The following CEP72 variants were observed in gnomAD, a reference collection of about 807,000 sequenced individuals.
The protein encoded by CEP72 is centrosomal protein 72.
CEP72 carries 78 observed loss-of-function variants against 65.7 expected under a neutral mutation model. That is an observed-to-expected ratio of 1.19 (90% confidence interval 0.99 to 1.43). The LOEUF (loss-of-function observed/expected upper bound fraction) is 1.43, where lower values mean the gene tolerates loss of function less well. Ranked by LOEUF, CEP72 falls within the 40% of genes most tolerant of loss-of-function variation. The probability of loss-of-function intolerance (pLI) is 0.00; values close to 1 mark genes in which losing one functional copy is unlikely to be tolerated. For missense variants in CEP72, 914 were observed against 832.9 expected (o/e 1.10, Z -1.20); for synonymous variants, 358 against 351.7 (o/e 1.02, Z -0.20).
chr5:616,756 C>T (rs993842870), intron 1 of CEP72, among the ~76,000 whole-genome samples: 1 of 152,110 alleles, frequency 6.6e-6, no homozygotes, highest in Non-Finnish European at 1.5e-5. Flanking sequence ...CATTCTCACA[C>T]CCCGGTGCTG....
intron 3 of CEP72, chr5:665,375 G>T (rs965586632): frequency 7.1e-7 from 1 of 1,406,624 alleles, no homozygotes; most frequent in Non-Finnish European, 9.7e-7. Context: ...TGTGCCCTGG[G>T]CAGGTCTCCC....
chr5:615,028 T>C (rs1035727017), intron 1 of CEP72, among the ~76,000 whole-genome samples: 6 of 151,872 alleles, frequency 4.0e-5, no homozygotes, highest in African/African-American at 1.5e-4. Flanking sequence ...ATTTGTCTGT[T>C]TTTTTTTTCA....
At chr5:662,361 A>T (rs1012426282) in intron 1 of CEP72, 2 of 152,360 alleles carry the variant, frequency 1.3e-5, no homozygotes, top group African/African-American at 4.8e-5. Flanking sequence ...TCTTTTCTCG[A>T]GGCCGTGCTT....
downstream of CEP72, chr5:657,070 A>C (rs1026116049): frequency 6.6e-6 from 1 of 152,160 alleles, no homozygotes; most frequent in African/African-American, 2.4e-5. Context: ...TAAACCTTGA[A>C]TTTCTGAGAT....
At chr5:622,584 G>T (rs62330297) in intron 3 of CEP72, among the ~76,000 whole-genome samples, 1 of 152,266 alleles carries the variant, frequency 6.6e-6, no homozygotes, top group African/African-American at 2.4e-5. Context: ...CTGCGGCTGG[G>T]CTTCCAGAGC....
At chr5:649,383 T>TG (rs1169542711) in intron 11 of CEP72, among the ~76,000 whole-genome samples, 2 of 113,180 alleles carry the variant, frequency 1.8e-5, no homozygotes, top group Non-Finnish European at 3.5e-5. Context: ...CTGTGAGGTG[T>TG]GACTGTGAGG....
intron 11 of CEP72, 101 bp from the exon 12 acceptor site, chr5:652,887 C>T (rs566730828): frequency 7.5e-7 from 1 of 1,328,250 alleles, no homozygotes; most frequent in Non-Finnish European, 1.0e-6. Context: ...GGCCAGGGCA[C>T]CTTCGTGCCC....
rs749071810 is a variant in CEP72, at chr5:665,953, A to G, written n.446A>G. The G allele has an allele frequency of 4.4e-6, 3 of 682,190 alleles. No homozygotes were observed. In the South Asian group the frequency reaches 8.7e-5, roughly 20 times the overall value. The allele number at this position is 682,190 out of a possible 1,614,324, so 42.3% of individuals were successfully genotyped here. A position where few individuals can be genotyped will look rare whatever the true frequency, so the allele number is the denominator to read the frequency against. On this transcript the variant is annotated non_coding_transcript_exon_variant, in exon 4 of 5. Coordinates refer to the CEP72 transcript ENST00000514507. ...CCACCCCCTCCAGGCCCCGCCTTCC[A>G]TCCCCGCCCTGCTCACCGTCACCCC...
the CEP72 span, among the ~76,000 whole-genome samples, chr5:674,636 G>C: frequency 6.6e-6 from 1 of 152,070 alleles, no homozygotes; most frequent in Admixed American, 6.5e-5. Context: ...CCACCAGAGC[G>C]GCCCTGGTCA....
chr5:629,398 G>T (rs1265381516), intron 4 of CEP72, among the ~76,000 whole-genome samples: 1 of 151,868 alleles, frequency 6.6e-6, no homozygotes, highest in African/African-American at 2.4e-5. Context: ...ATCCTAGTGG[G>T]GTTCTGTCCA....
intron 10 of CEP72, among the ~76,000 whole-genome samples, chr5:644,793 G>A (rs1384615553): frequency 6.6e-6 from 1 of 152,202 alleles, no homozygotes; most frequent in Non-Finnish European, 1.5e-5. Context: ...ATCGAATTTG[G>A]TGAATGAGCC....
chr5:637,957 G>A (rs541900246), intron 7 of CEP72, 139 bp downstream of exon 7: 22 of 858,164 alleles, frequency 2.6e-5, no homozygotes, highest in African/African-American at 2.2e-4. Flanking sequence ...CGGCGGTGCC[G>A]TGATTACGCC....
Position 648,710 on chromosome 5 carries a change from GTGACTGTGAGGCGTGACTGTGAGGCA to G in CEP72, c.1778+806_1778+831del, listed in dbSNP as rs1738629263. Among the ~76,000 whole-genome samples, 4 of 117,530 alleles carry G rather than the reference GTGACTGTGAGGCGTGACTGTGAGGCA, an allele frequency of 3.4e-5. 1 individual carries two copies. The highest frequency in any genetic ancestry group is 1.8e-4 in the Admixed American group (2 of 10,850). 77.1% of individuals were successfully genotyped at this position (117,530 alleles called of 152,430 possible). A position where few individuals can be genotyped will look rare whatever the true frequency, so the allele number is the denominator to read the frequency against. On this transcript the variant is annotated intron_variant, in intron 11 of 11. Transcript: ENST00000264935. ...TGACTGTGAGGCGTGAATGTGAGGC[GTGACTGTGAGGCGTGACTGTGAGGCA>G]TGACTGTGAGGTGTGGACTGTGAGG...
chr5:612,846 C>G (rs1403617984), intron 1 of CEP72, among the ~76,000 whole-genome samples: 1 of 152,162 alleles, frequency 6.6e-6, no homozygotes, highest in Non-Finnish European at 1.5e-5. Flanking sequence ...TGTTGGTGGC[C>G]GGTTTCCTTC....
chr5:652,692 T>C (rs954831900), intron 11 of CEP72, among the ~76,000 whole-genome samples: 2 of 152,266 alleles, frequency 1.3e-5, no homozygotes, highest in East Asian at 1.9e-4. Context: ...GTAGCTGGAA[T>C]AGCCAAGGCG....
chr5:633,271 C>T (rs552450376), intron 4 of CEP72, among the ~76,000 whole-genome samples: 8 of 103,826 alleles, frequency 7.7e-5, no homozygotes, highest in African/African-American at 2.9e-4. Context: ...TGTCCAGTTC[C>T]GGGATTTAGA....
In CEP72 at chr5:624,695, G is replaced by A; in HGVS notation, c.512+116G>A. On this transcript the variant is annotated intron_variant, in intron 4 of 11. Coordinates refer to ENST00000264935, the MANE Select transcript of CEP72 (RefSeq NM_018140.4). This position sits in a 1 kb window ranked among gnomAD's most constrained non-coding sequence, Gnocchi z 4.7. ...CACTCTCCAGGGGCGGACACCAGGA[G>A]GGAGGAAGGGCAGAGCCTGCCTGGC... 1.3e-6 allele frequency: 1 copy of A among 765,282 alleles called. No individual in the cohort carries two copies. Among genetic ancestry groups the A allele is most frequent in the Non-Finnish European group, 2.3e-6 (1 of 436,938 alleles). The allele number at this position is 765,282 out of a possible 1,614,324, so 47.4% of individuals were successfully genotyped here. A position where few individuals can be genotyped will look rare whatever the true frequency, so the allele number is the denominator to read the frequency against.
chr5:634,011 C>A, intron 5 of CEP72, 64 bp downstream of exon 5: 1 of 1,506,146 alleles, frequency 6.6e-7, no homozygotes, highest in Non-Finnish European at 9.0e-7. Context: ...ATAGTCGTTA[C>A]TGGGCTTGGA....
At position 635,624 on chromosome 5, in the gene CEP72, C is replaced by T. The variant is rs1328396621; in HGVS notation, c.904+40C>T. On this transcript the variant is annotated intron_variant, in intron 6 of 11. Coordinates refer to ENST00000264935, the MANE Select transcript of CEP72 (RefSeq NM_018140.4). ...CTTAGTCTGTTTTCTGTTGCTGTAA[C>T]AGAAAACCACAGACTGAGTAATTTA... The T allele has an allele frequency of 5.7e-6, 8 of 1,402,016 alleles. No homozygotes were observed. In the African/African-American group the frequency reaches 7.1e-5, roughly 12 times the overall value. The allele number at this position is 1,402,016 out of a possible 1,614,324, so 86.8% of individuals were successfully genotyped here.
Sources: allele counts gnomAD v4.1 joint callset (sites outside exome capture counted in the v4.1 genomes callset), GRCh38; gene constraint gnomAD v4.1.1; non-coding constraint Gnocchi (gnomAD v3.1); transcripts MANE v1.5; gene names NCBI Gene and HGNC (gene_info 2026-07-23, HGNC 2026-07-21).